Variants in FAM169A observed in about 807,000 individuals in gnomAD.
The protein encoded by FAM169A is family with sequence similarity 169 member A.
In FAM169A, 24 loss-of-function variants were observed where a neutral mutation model predicts 75.7. The observed-to-expected ratio is 0.32, with a 90% CI of 0.23 to 0.45. FAM169A has a LOEUF of 0.45. Among genes scored for constraint, FAM169A ranks in the 20% least tolerant of loss-of-function variants. FAM169A has a pLI of 1.00. For synonymous variants in FAM169A, 271 were observed against 271.0 expected (o/e 1.00, Z 0.00); for missense variants, 673 against 784.0 (o/e 0.86, Z 1.69).
chr5:74,822,856 A>G (rs1465035956), intron 5 of FAM169A, among the ~76,000 whole-genome samples: 1 of 152,018 alleles, frequency 6.6e-6, no homozygotes, highest in Non-Finnish European at 1.5e-5. Context: ...GCCTCCCACC[A>G]ATACCTAAGC....
At chr5:74,784,918 C>CAAA (rs869156232) in intron 11 of FAM169A, among the ~76,000 whole-genome samples, 12 of 61,824 alleles carry the variant, frequency 1.9e-4, no homozygotes, top group African/African-American at 4.2e-4. Context: ...GACTCCGTCT[C>CAAA]AAAAAAAAAA....
intron 5 of FAM169A, among the ~76,000 whole-genome samples, chr5:74,817,949 C>T (rs1275683541): frequency 6.6e-6 from 1 of 151,998 alleles, no homozygotes; most frequent in African/African-American, 2.4e-5. Flanking sequence ...AACTAGATAT[C>T]CAAATGCAAA....
intron 5 of FAM169A, among the ~76,000 whole-genome samples, chr5:74,824,708 TACAC>T (rs60236324): frequency 0.24 from 35,132 of 147,236 alleles, 4,285 homozygotes; most frequent in Middle Eastern, 0.31. Flanking sequence ...TACACACACA[TACAC>T]ACACACACAC....
intron 1 of FAM169A, among the ~76,000 whole-genome samples, chr5:74,863,990 A>G (rs773981049): frequency 4.6e-5 from 7 of 152,176 alleles, no homozygotes; most frequent in Non-Finnish European, 1.0e-4. Context: ...CTCATCTCTA[A>G]ATGTCCAAGG....
At chr5:74,847,970 T>A (rs971680327) in intron 1 of FAM169A, among the ~76,000 whole-genome samples, 1 of 152,170 alleles carries the variant, frequency 6.6e-6, no homozygotes, top group African/African-American at 2.4e-5. Context: ...TAGTTAAATG[T>A]TGTGATTTCT....
intron 5 of FAM169A, among the ~76,000 whole-genome samples, chr5:74,823,028 C>A (rs1252234524): frequency 6.6e-6 from 1 of 152,200 alleles, no homozygotes; most frequent in Non-Finnish European, 1.5e-5. Flanking sequence ...ACCTGAACTA[C>A]TAAAACAGCT....
At chr5:74,857,585 A>G (rs1170027228) in intron 1 of FAM169A, among the ~76,000 whole-genome samples, 1 of 107,576 alleles carries the variant, frequency 9.3e-6, no homozygotes, top group African/African-American at 4.1e-5. Flanking sequence ...AAAAAAAAAA[A>G]AAAAAAAAAA....
intron 3 of FAM169A, 77 bp downstream of exon 3, chr5:74,839,997 T>C: frequency 9.7e-6 from 7 of 722,076 alleles, no homozygotes; most frequent in South Asian, 2.0e-5. Flanking sequence ...AATTCCTTCA[T>C]GTAGCTACCT....
chr5:74,801,008 G>A lies in FAM169A; in HGVS notation c.975C>T (p.Ser325=), dbSNP rs372334806. 8 of 1,558,832 alleles carry A rather than the reference G, an allele frequency of 5.1e-6. No homozygotes were observed. Among genetic ancestry groups the A allele is most frequent in the African/African-American group, 1.4e-5 (1 of 72,070 alleles). The change falls in exon 10 of 13, where the codon TCC becomes TCT. Residue 325 remains serine (S), a synonymous_variant. Coordinates refer to ENST00000687041, the MANE Select transcript of FAM169A (RefSeq NM_001376049.1). ...TTAGATTACCACTTCGAGTATGAGT[G>A]GAAACAGATGTTTTATCATGACCTG... ...TSEGHDKTSV[S]THTRSGNLKR...
At chr5:74,831,254 T>C (rs1446840556) in intron 5 of FAM169A, among the ~76,000 whole-genome samples, 1 of 152,172 alleles carries the variant, frequency 6.6e-6, no homozygotes, top group Non-Finnish European at 1.5e-5. Context: ...AGCAATACTA[T>C]AACAAAACCC....
intron 6 of FAM169A, among the ~76,000 whole-genome samples, chr5:74,806,664 T>TA (rs1746901391): frequency 6.6e-6 from 1 of 152,192 alleles, no homozygotes; most frequent in Non-Finnish European, 1.5e-5. Flanking sequence ...GAACTGAACT[T>TA]AAACTTATAT....
intron 11 of FAM169A, among the ~76,000 whole-genome samples, chr5:74,789,805 G>A (rs1485876325): frequency 8.6e-5 from 13 of 151,772 alleles, no homozygotes; most frequent in African/African-American, 3.2e-4. Context: ...TAGGTGAATC[G>A]CAGTGGAGGC....
At chr5:74,837,650 G>C (rs1247223348) in intron 4 of FAM169A, among the ~76,000 whole-genome samples, 1 of 152,010 alleles carries the variant, frequency 6.6e-6, no homozygotes, top group Non-Finnish European at 1.5e-5. Context: ...TGGAGTAACA[G>C]GATCAAAATT....
chr5:74,795,472 G>A (rs1746221984), intron 11 of FAM169A, among the ~76,000 whole-genome samples: 2 of 152,140 alleles, frequency 1.3e-5, no homozygotes, highest in Non-Finnish European at 2.9e-5. Flanking sequence ...ATACTTTAAA[G>A]CTGCAGAAAT....
chr5:74,805,309 T>C (rs1335444100), intron 6 of FAM169A, 25 bp from the exon 7 acceptor site: 2 of 1,604,488 alleles, frequency 1.2e-6, no homozygotes, highest in Admixed American at 1.7e-5. Context: ...TAGAATTTTC[T>C]AGAAATCCCA....
chr5:74,866,913 C>A (rs1194106225), upstream of FAM169A: 4 of 985,412 alleles, frequency 4.1e-6, no homozygotes, highest in African/African-American at 7.0e-5. Flanking sequence ...TCATCCTAAA[C>A]CTACTGCCAC....
intron 7 of FAM169A, 42 bp from the exon 8 acceptor site, chr5:74,804,647 T>C (rs1746770162): frequency 1.7e-6 from 2 of 1,192,832 alleles, no homozygotes; most frequent in Non-Finnish European, 2.5e-6. Context: ...CGAATCAGTA[T>C]TTGGTTTTAA....
intron 5 of FAM169A, among the ~76,000 whole-genome samples, chr5:74,819,127 G>A (rs749886073): frequency 1.4e-4 from 21 of 151,718 alleles, no homozygotes; most frequent in Middle Eastern, 3.2e-3. Flanking sequence ...GCTGAGGCAG[G>A]AGAATCACTT....
chr5:74,849,031 T>C (rs1012896024), intron 1 of FAM169A, among the ~76,000 whole-genome samples: 1 of 152,128 alleles, frequency 6.6e-6, no homozygotes, highest in African/African-American at 2.4e-5. Flanking sequence ...TAGCCTTAAG[T>C]GAACTCATCA....
Sources: gnomAD v4.1 joint callset for allele counts (sites outside exome capture counted in the v4.1 genomes callset) on GRCh38, gnomAD v4.1.1 for gene constraint, MANE v1.5 for transcripts, NCBI Gene and HGNC (gene_info 2026-07-23, HGNC 2026-07-21) for gene names.